The following LGSN variants were observed in gnomAD, a reference collection of about 807,000 sequenced individuals.
LGSN encodes the protein lengsin.
In LGSN, 21 loss-of-function variants were observed where a neutral mutation model predicts 19.5. The ratio of observed to expected loss-of-function variants is 1.07; its 90% CI spans 0.76 to 1.55. The LOEUF (loss-of-function observed/expected upper bound fraction) is 1.55, where lower values mean the gene tolerates loss of function less well. Among genes scored for constraint, LGSN ranks in the 40% most tolerant of loss-of-function variants. The probability of loss-of-function intolerance (pLI) is 0.00; values close to 1 mark genes in which losing one functional copy is unlikely to be tolerated. For synonymous variants in LGSN, 257 were observed against 215.6 expected, an observed-to-expected ratio of 1.19 and a Z score of -1.68; for missense variants, 673 against 608.5, an observed-to-expected ratio of 1.11 and a Z score of -1.12.
chr6:63,549,563 G>T, the LGSN span: 2 of 599,798 alleles, frequency 3.3e-6, no homozygotes, highest in African/African-American at 1.9e-5. Context: ...GACAAGATTT[G>T]AAGTTTTTTT....
intron 2 of LGSN, 147 bp downstream of exon 2, chr6:63,294,766 C>T (rs892237642): frequency 2.8e-6 from 2 of 713,244 alleles, no homozygotes; most frequent in Non-Finnish European, 4.7e-6. Flanking sequence ...TTATATTTGC[C>T]ATCTTTTATG....
At chr6:63,387,370 A>G in the LGSN span, among the ~76,000 whole-genome samples, 1 of 152,198 alleles carries the variant, frequency 6.6e-6, no homozygotes, top group African/African-American at 2.4e-5. Flanking sequence ...ACGACAGAGT[A>G]TAACAACTAT....
chr6:63,403,416 G>A, the LGSN span, among the ~76,000 whole-genome samples: 1 of 152,062 alleles, frequency 6.6e-6, no homozygotes, highest in African/African-American at 2.4e-5. Context: ...GAAATTTGTA[G>A]TATTAAATGC....
At chr6:63,283,518 T>A (rs923546390) in intron 3 of LGSN, among the ~76,000 whole-genome samples, 14 of 152,000 alleles carry the variant, frequency 9.2e-5, no homozygotes, top group African/African-American at 2.9e-4. Flanking sequence ...AATCTGCCCT[T>A]TTGATTGATA....
the LGSN span, among the ~76,000 whole-genome samples, chr6:63,511,001 C>A: frequency 1.3e-5 from 2 of 151,582 alleles, no homozygotes; most frequent in Non-Finnish European, 2.9e-5. Context: ...AGAGGAGCAG[C>A]TAGACAGATA....
the LGSN span, among the ~76,000 whole-genome samples, chr6:63,362,368 G>T: frequency 6.7e-6 from 1 of 150,180 alleles, no homozygotes; most frequent in African/African-American, 2.4e-5. Context: ...TTGTCAGACA[G>T]TGGGTGCAGC....
the LGSN span, among the ~76,000 whole-genome samples, chr6:63,533,434 T>C: frequency 6.6e-6 from 1 of 152,152 alleles, no homozygotes; most frequent in Non-Finnish European, 1.5e-5. Context: ...TATCTTAATT[T>C]TGTATTACAC....
the LGSN span, among the ~76,000 whole-genome samples, chr6:63,401,428 G>A: frequency 6.7e-6 from 1 of 150,132 alleles, no homozygotes; most frequent in South Asian, 2.1e-4. Flanking sequence ...ACAAAATTAA[G>A]GTACAAGTTA....
chr6:63,362,741 G>A, the LGSN span, among the ~76,000 whole-genome samples: 5 of 152,246 alleles, frequency 3.3e-5, no homozygotes, highest in African/African-American at 1.2e-4. Flanking sequence ...AAGGAGGCCT[G>A]CCTGCCTCTG....
chr6:63,489,649 C>T, the LGSN span, among the ~76,000 whole-genome samples: 3 of 151,622 alleles, frequency 2.0e-5, no homozygotes, highest in African/African-American at 7.3e-5. Flanking sequence ...GGATGGCTGG[C>T]GTAAGCCGCC....
At chr6:63,481,868 T>C in the LGSN span, 1 of 245,072 alleles carries the variant, frequency 4.1e-6, no homozygotes, top group East Asian at 9.3e-5. Flanking sequence ...GTGGCTGCGT[T>C]CAACAAGATC....
At chr6:63,528,425 G>T in the LGSN span, among the ~76,000 whole-genome samples, 1 of 151,108 alleles carries the variant, frequency 6.6e-6, no homozygotes, top group Non-Finnish European at 1.5e-5. Context: ...GTGAATCTCT[G>T]TCTTTTTTTT....
At chr6:63,338,253 A>T in the LGSN span, among the ~76,000 whole-genome samples, 2 of 152,180 alleles carry the variant, frequency 1.3e-5, no homozygotes, top group African/African-American at 2.4e-5. Flanking sequence ...ATAAATAAAT[A>T]AATAAGAAGC....
the LGSN span, among the ~76,000 whole-genome samples, chr6:63,538,071 A>C: frequency 1.3e-5 from 2 of 152,390 alleles, no homozygotes; most frequent in South Asian, 4.1e-4. Flanking sequence ...ATTTTGCAAA[A>C]TAGTGGGAAA....
At chr6:63,483,675 G>T in the LGSN span, among the ~76,000 whole-genome samples, 17 of 152,086 alleles carry the variant, frequency 1.1e-4, no homozygotes, top group African/African-American at 4.1e-4. Context: ...TGTCACAGAT[G>T]GGTGGCATGT....
the LGSN span, among the ~76,000 whole-genome samples, chr6:63,414,381 T>A: frequency 6.6e-6 from 1 of 152,174 alleles, no homozygotes; most frequent in African/African-American, 2.4e-5. Flanking sequence ...TTTTGTTAGA[T>A]GAAAAAGTGC....
the LGSN span, among the ~76,000 whole-genome samples, chr6:63,326,046 G>T: frequency 1.3e-5 from 2 of 152,010 alleles, no homozygotes; most frequent in Non-Finnish European, 2.9e-5. Flanking sequence ...CCCTGAGCTC[G>T]ACACAAAGGT....
At chr6:63,318,495 A>C (rs1324971874) in intron 1 of LGSN, among the ~76,000 whole-genome samples, 4 of 152,144 alleles carry the variant, frequency 2.6e-5, no homozygotes, top group Non-Finnish European at 4.4e-5. Flanking sequence ...TATTCAGTGG[A>C]GTTGGGTCAA....
chr6:63,366,240 G>C, the LGSN span, among the ~76,000 whole-genome samples: 21 of 152,294 alleles, frequency 1.4e-4, no homozygotes, highest in East Asian at 3.9e-3. Context: ...CTTCAGCAAA[G>C]TCTCAGCATA....
Sources: allele counts gnomAD v4.1 joint callset (sites outside exome capture counted in the v4.1 genomes callset), GRCh38; gene constraint gnomAD v4.1.1; transcripts MANE v1.5; gene names NCBI Gene and HGNC (gene_info 2026-07-23, HGNC 2026-07-21).